DSCAM: variants seen among roughly 807,000 people sequenced by gnomAD.
DSCAM encodes cell adhesion molecule DSCAM.
DSCAM carries 47 observed loss-of-function variants against 217.7 expected under a neutral mutation model. The ratio of observed to expected loss-of-function variants is 0.22; its 90% CI spans 0.17 to 0.28. The LOEUF is 0.28. DSCAM is among the 10% of genes least tolerant of loss of function. DSCAM has a pLI of 1.00. For synonymous variants in DSCAM, 1,056 were observed against 1,015.3 expected, an observed-to-expected ratio of 1.04 and a Z score of -0.76; for missense variants, 2,080 against 2,618.3, an observed-to-expected ratio of 0.79 and a Z score of 4.49.
intron 8 of DSCAM, among the ~76,000 whole-genome samples, chr21:40,318,609 CCAACCAGCAG>C (rs2074226428): frequency 6.6e-6 from 1 of 152,182 alleles, no homozygotes; most frequent in African/African-American, 2.4e-5. Flanking sequence ...TCGGTGACTT[CCAACCAGCAG>C]CAGCCAGAGA....
At chr21:40,464,087 T>C (rs1214191061) in intron 3 of DSCAM, among the ~76,000 whole-genome samples, 1 of 152,208 alleles carries the variant, frequency 6.6e-6, no homozygotes, top group Non-Finnish European at 1.5e-5. Flanking sequence ...TCCATTTTCA[T>C]GATTTTACCA....
In DSCAM at chr21:40,712,185, G is replaced by A. The variant is rs1228343228; in HGVS notation, c.44-3414C>T. Among the ~76,000 whole-genome samples the A allele has an allele frequency of 6.6e-5, 10 of 152,262 alleles. No homozygotes were observed. In the South Asian group the frequency reaches 1.5e-3, roughly 22 times the overall value. On this transcript the variant is annotated intron_variant, in intron 1 of 32. Coordinates refer to ENST00000400454, the MANE Select transcript of DSCAM (RefSeq NM_001389.5). ...GGCAATGACACAACTAAGACTCTCA[G>A]GCTGTTATGTTTTTGGGAACCCATT... is the stretch of plus-strand genomic sequence containing the variant.
intron 9 of DSCAM, among the ~76,000 whole-genome samples, chr21:40,299,079 T>C (rs140004644): frequency 1.7e-4 from 26 of 152,276 alleles, no homozygotes; most frequent in African/African-American, 6.0e-4. Flanking sequence ...GAATTCTCTC[T>C]TCAGATACCC....
chr21:40,721,383 T>C (rs1012886151), intron 1 of DSCAM, among the ~76,000 whole-genome samples: 3 of 152,170 alleles, frequency 2.0e-5, no homozygotes, highest in Non-Finnish European at 2.9e-5. Context: ...GATATTAACA[T>C]CACTCTTATA....
chr21:40,123,513 T>A (rs1406606851), intron 20 of DSCAM, among the ~76,000 whole-genome samples: 1 of 152,186 alleles, frequency 6.6e-6, no homozygotes, highest in Non-Finnish European at 1.5e-5. Flanking sequence ...AAATTTCCCT[T>A]TTTGATATGT....
intron 11 of DSCAM, among the ~76,000 whole-genome samples, chr21:40,252,896 G>T (rs948178442): frequency 6.6e-6 from 1 of 152,204 alleles, no homozygotes; most frequent in African/African-American, 2.4e-5. Flanking sequence ...ACTAGAGAGT[G>T]CTAAGGCTCG....
At chr21:40,528,513 A>G (rs1353100049) in intron 3 of DSCAM, among the ~76,000 whole-genome samples, 1 of 152,206 alleles carries the variant, frequency 6.6e-6, no homozygotes, top group Non-Finnish European at 1.5e-5. Flanking sequence ...TCCAGTAAAT[A>G]CTGGATATTG....
chr21:40,637,608 T>C (rs796454045), intron 3 of DSCAM, among the ~76,000 whole-genome samples: 11 of 49,292 alleles, frequency 2.2e-4, no homozygotes, highest in Non-Finnish European at 4.2e-4. Context: ...TATATATAAA[T>C]ATATATAAAT....
At chr21:40,636,840 C>T (rs1275738152) in intron 3 of DSCAM, among the ~76,000 whole-genome samples, 1 of 149,290 alleles carries the variant, frequency 6.7e-6, no homozygotes, top group Non-Finnish European at 1.5e-5. Flanking sequence ...AATAAACGCA[C>T]CTGTCATCAG....
At position 40,083,898 on chromosome 21, in the gene DSCAM, A is replaced by G. The variant is rs779105094; in HGVS notation, c.4231+10T>C. 4.4e-6 allele frequency: 7 copies of G among 1,602,330 alleles called. No homozygotes were observed. The highest frequency in any genetic ancestry group is 5.1e-6 in the Non-Finnish European group (6 of 1,172,044). On this transcript the variant is annotated intron_variant, in intron 24 of 32. Transcript: ENST00000400454. ...TAATCAACTATTGTGGACAATCTAT[A>G]TCTTATTACCTCTGATAGAGCTGCC...
intron 1 of DSCAM, among the ~76,000 whole-genome samples, chr21:40,712,253 T>C (rs1259387244): frequency 6.6e-6 from 1 of 152,130 alleles, no homozygotes; most frequent in African/African-American, 2.4e-5. Flanking sequence ...TATGAAAACA[T>C]ACTCATGTAA....
chr21:40,217,458 T>C (rs184919592), intron 11 of DSCAM, among the ~76,000 whole-genome samples: 13 of 152,278 alleles, frequency 8.5e-5, no homozygotes, highest in East Asian at 5.8e-4. Flanking sequence ...AAGGTTTAGT[T>C]ACATAGGTAA....
At chr21:40,721,721 T>C (rs976376243) in intron 1 of DSCAM, among the ~76,000 whole-genome samples, 1 of 151,484 alleles carries the variant, frequency 6.6e-6, no homozygotes. Flanking sequence ...ATAATTGGAG[T>C]TCTAGGATGA....
At chr21:40,032,129 G>A (rs1383699145) in intron 32 of DSCAM, among the ~76,000 whole-genome samples, 1 of 152,154 alleles carries the variant, frequency 6.6e-6, no homozygotes, top group Admixed American at 6.5e-5. Flanking sequence ...CTTCATGGCA[G>A]AACAAGGCCA....
At chr21:40,505,397 T>C (rs988586090) in intron 3 of DSCAM, among the ~76,000 whole-genome samples, 4 of 152,152 alleles carry the variant, frequency 2.6e-5, no homozygotes, top group Middle Eastern at 3.2e-3. Context: ...ATTTGCTGTT[T>C]GATAAGAATA....
intron 32 of DSCAM, among the ~76,000 whole-genome samples, chr21:40,025,391 G>GAGTT (rs1174038358): frequency 7.0e-6 from 1 of 143,838 alleles, no homozygotes; most frequent in Non-Finnish European, 1.5e-5. Flanking sequence ...CTCATAAAAT[G>GAGTT]AGTTAGGGAG....
chr21:40,071,983 T>A (rs1213502453), intron 27 of DSCAM, among the ~76,000 whole-genome samples: 3 of 152,182 alleles, frequency 2.0e-5, no homozygotes, highest in Admixed American at 6.5e-5. Flanking sequence ...TTTCATCGAT[T>A]CCCCTTTACC....
chr21:40,304,414 C>T (rs540024351), intron 9 of DSCAM, among the ~76,000 whole-genome samples: 7 of 152,320 alleles, frequency 4.6e-5, no homozygotes, highest in African/African-American at 1.7e-4. Flanking sequence ...ACTATTTAAA[C>T]GTTCTCCATA....
Position 40,414,436 on chromosome 21 carries a change from C to T in DSCAM, c.509-45191G>A, listed in dbSNP as rs562058109. Among the ~76,000 whole-genome samples the T allele has an allele frequency of 5.9e-5, 9 of 152,258 alleles. No homozygotes were observed. The South Asian group carries it at 8.3e-4, about 14-fold the overall frequency. The stretch of plus-strand genomic sequence containing the variant: ...AAGTAAAACCACAATGAGATACCAA[C>T]GCATACCTCCTAGAATAGCTAAAAT... On this transcript the variant is annotated intron_variant, in intron 3 of 32. Transcript: ENST00000400454.
Sources: gnomAD v4.1 joint callset for allele counts (sites outside exome capture counted in the v4.1 genomes callset) on GRCh38, gnomAD v4.1.1 for gene constraint, MANE v1.5 for transcripts, NCBI Gene and HGNC (gene_info 2026-07-23, HGNC 2026-07-21) for gene names.